RCAN2: variants seen among roughly 807,000 people sequenced by gnomAD.
RCAN2 encodes the protein calcipressin-2.
In RCAN2, 9 loss-of-function variants were observed where a neutral mutation model predicts 23.6. The observed-to-expected ratio is 0.38, with a 90% CI of 0.23 to 0.67. The LOEUF (loss-of-function observed/expected upper bound fraction) is 0.67. Ranked by LOEUF, RCAN2 falls within the 30% of genes least tolerant of loss-of-function variation. The probability of loss-of-function intolerance (pLI) is 0.51; values close to 1 mark genes in which losing one functional copy is unlikely to be tolerated. For missense variants in RCAN2, 273 were observed against 302.3 expected (o/e 0.90, Z 0.72); for synonymous variants, 109 against 115.7 (o/e 0.94, Z 0.37).
chr6:46,353,229 T>C (rs1764717179), intron 2 of RCAN2, among the ~76,000 whole-genome samples: 1 of 152,188 alleles, frequency 6.6e-6, no homozygotes, highest in African/African-American at 2.4e-5. Flanking sequence ...TTTTTGTTTT[T>C]CTGGGCCTGA....
At chr6:46,488,992 T>G (rs750639134) in intron 1 of RCAN2, among the ~76,000 whole-genome samples, 3 of 152,212 alleles carry the variant, frequency 2.0e-5, no homozygotes, top group Non-Finnish European at 4.4e-5. Context: ...TTAGATGAAA[T>G]CATTCCTACC....
At chr6:46,238,844 A>C (rs1362473360) in intron 4 of RCAN2, among the ~76,000 whole-genome samples, 3 of 152,192 alleles carry the variant, frequency 2.0e-5, no homozygotes, top group Admixed American at 6.5e-5. Flanking sequence ...GTGAGCCACC[A>C]CACTCAGTGA....
chr6:46,323,953 C>T (rs1763703826), intron 2 of RCAN2, among the ~76,000 whole-genome samples: 1 of 152,162 alleles, frequency 6.6e-6, no homozygotes, highest in Admixed American at 6.5e-5. Context: ...AGTGTGTAAA[C>T]AACAGATAAC....
chr6:46,295,135 T>C (rs1762682829), intron 2 of RCAN2, among the ~76,000 whole-genome samples: 3 of 152,076 alleles, frequency 2.0e-5, no homozygotes, highest in African/African-American at 7.2e-5. Context: ...TTGGTGGATC[T>C]TGGGGGAGAA....
At chr6:46,452,606 T>C (rs917042334) in intron 2 of RCAN2, among the ~76,000 whole-genome samples, 11 of 152,230 alleles carry the variant, frequency 7.2e-5, no homozygotes, top group African/African-American at 2.6e-4. Context: ...ACACATTGGG[T>C]AGAAACAGCC....
At chr6:46,247,001 G>T in intron 3 of RCAN2, 82 bp from the exon 4 acceptor site, 2 of 1,211,524 alleles carry the variant, frequency 1.7e-6, no homozygotes, top group Non-Finnish European at 2.3e-6. Flanking sequence ...CATGGGTTTA[G>T]TTTCAGCCTG....
rs374091801 is a variant in RCAN2, at chr6:46,391,421, G to GT, written c.225+65330dup. Among the ~76,000 whole-genome samples the GT allele has an allele frequency of 7.9e-4, 120 of 152,258 alleles. 1 individual carries two copies. The highest frequency in any genetic ancestry group is 2.8e-3 in the African/African-American group (115 of 41,558). The stretch of plus-strand genomic sequence containing the variant: ...AAAACTGGGGTGCTAGGAGTGACGT[G>GT]TTCAGCTCAGGGTGTTTGGGAAGTG... On this transcript the variant is annotated intron_variant, in intron 2 of 4. Transcript: ENST00000371374.
At chr6:46,290,834 T>C (rs1476368417) in intron 2 of RCAN2, among the ~76,000 whole-genome samples, 1 of 152,196 alleles carries the variant, frequency 6.6e-6, no homozygotes, top group Non-Finnish European at 1.5e-5. Flanking sequence ...ATCAGGATAA[T>C]AGGATTTAAG....
At chr6:46,302,120 G>A (rs552981579) in intron 2 of RCAN2, among the ~76,000 whole-genome samples, 1 of 152,164 alleles carries the variant, frequency 6.6e-6, no homozygotes, top group East Asian at 1.9e-4. Flanking sequence ...GAGAGAAGTG[G>A]AGTGTGAAGG....
At chr6:46,330,373 C>T (rs566752314) in intron 2 of RCAN2, among the ~76,000 whole-genome samples, 99 of 152,320 alleles carry the variant, frequency 6.5e-4, no homozygotes, top group Non-Finnish European at 1.3e-3. Context: ...CACAGCTCCA[C>T]GTCTTCACCC....
intron 4 of RCAN2, among the ~76,000 whole-genome samples, chr6:46,230,931 G>T (rs761137583): frequency 5.3e-5 from 8 of 152,186 alleles, no homozygotes. Context: ...GGGTGCTGAC[G>T]TTAGGGAATG....
At chr6:46,246,721 AT>A (rs1171638871) in intron 4 of RCAN2, 26 bp downstream of exon 4, 1 of 1,604,160 alleles carries the variant, frequency 6.2e-7, no homozygotes, top group Non-Finnish European at 8.5e-7. Flanking sequence ...ACAAACGTTT[AT>A]TTTTAAAATG....
chr6:46,270,268 G>T (rs957734363), intron 2 of RCAN2, among the ~76,000 whole-genome samples: 1 of 152,134 alleles, frequency 6.6e-6, no homozygotes, highest in Non-Finnish European at 1.5e-5. Context: ...GGAGAGAAGC[G>T]CTGACTCTGA....
At chr6:46,340,782 G>T (rs1426266909) in intron 2 of RCAN2, among the ~76,000 whole-genome samples, 1 of 152,204 alleles carries the variant, frequency 6.6e-6, no homozygotes. Flanking sequence ...GTGTGTTGAA[G>T]TGTATTGCTG....
At chr6:46,308,913 G>A (rs1193455848) in intron 2 of RCAN2, among the ~76,000 whole-genome samples, 2 of 152,142 alleles carry the variant, frequency 1.3e-5, no homozygotes, top group Non-Finnish European at 2.9e-5. Context: ...AAATACTGGA[G>A]AGGAGATGGT....
intron 2 of RCAN2, among the ~76,000 whole-genome samples, chr6:46,338,151 G>T (rs948009372): frequency 3.9e-5 from 6 of 152,208 alleles, no homozygotes; most frequent in African/African-American, 1.2e-4. Context: ...ACATATAGGG[G>T]ATGAGCAGGT....
intron 1 of RCAN2, among the ~76,000 whole-genome samples, chr6:46,463,441 A>G (rs767978816): frequency 1.3e-5 from 2 of 152,208 alleles, no homozygotes; most frequent in Non-Finnish European, 2.9e-5. Flanking sequence ...AACTCCTTGT[A>G]GTGGTGATAT....
At chr6:46,291,256 G>T (rs1762551925) in intron 2 of RCAN2, among the ~76,000 whole-genome samples, 1 of 148,406 alleles carries the variant, frequency 6.7e-6, no homozygotes, top group Admixed American at 6.7e-5. Flanking sequence ...TGAACTGAAA[G>T]AATTTAAATG....
chr6:46,265,128 T>A (rs528374349), intron 2 of RCAN2, among the ~76,000 whole-genome samples: 1 of 152,254 alleles, frequency 6.6e-6, no homozygotes, highest in Admixed American at 6.5e-5. Flanking sequence ...AGCAGCAGTA[T>A]GAAGAATTCT....
Sources: allele counts gnomAD v4.1 joint callset (sites outside exome capture counted in the v4.1 genomes callset), GRCh38; gene constraint gnomAD v4.1.1; transcripts MANE v1.5; gene names NCBI Gene and HGNC (gene_info 2026-07-23, HGNC 2026-07-21).